PPFIBP2: variants seen among roughly 807,000 people sequenced by gnomAD.
PPFIBP2 encodes PPFIB scaffold protein 2.
Under a neutral mutation model 118.3 loss-of-function variants are expected in PPFIBP2, and 118 were observed. The ratio of observed to expected loss-of-function variants is 1.00; its 90% CI spans 0.86 to 1.16. The LOEUF (loss-of-function observed/expected upper bound fraction) is 1.16. Among genes scored for constraint, PPFIBP2 ranks in the 50% most tolerant of loss-of-function variants. The probability of loss-of-function intolerance (pLI) is 0.00; values close to 1 mark genes in which losing one functional copy is unlikely to be tolerated. For missense variants in PPFIBP2, 1,195 were observed against 1,073.1 expected, an observed-to-expected ratio of 1.11 and a Z score of -1.59; for synonymous variants, 414 against 397.4, an observed-to-expected ratio of 1.04 and a Z score of -0.50.
rs779846688 is a variant in PPFIBP2, at chr11:7,597,615, A to G, written c.428A>G (p.Glu143Gly). Reference protein sequence around the residue: ...EAQGEKIRDLEVCLEGHQVKL... With the variant: ...EAQGEKIRDLGVCLEGHQVKL... ...CAGGGAGAAAAGATTCGAGACCTGGAAGTGTGTCTGGAAGGACACCAGGTG... is the reference window on the plus strand; with the variant it reads ...CAGGGAGAAAAGATTCGAGACCTGGGAGTGTGTCTGGAAGGACACCAGGTG... Residue 143 changes from glutamate to glycine, a missense_variant, in exon 5 of 24, where the codon GAA (glutamate) becomes GGA (glycine). By Grantham distance (98) the Glu-to-Gly change is moderately conservative (BLOSUM62 -2). Coordinates refer to ENST00000299492, the MANE Select transcript of PPFIBP2 (RefSeq NM_003621.5). 21 of 1,613,978 alleles carry G rather than the reference A, an allele frequency of 1.3e-5. No individual in the cohort carries two copies. Among genetic ancestry groups the G allele is most frequent in the Non-Finnish European group, 1.7e-5 (20 of 1,180,024 alleles).
chr11:7,659,694 G>C (rs1416814496), downstream of PPFIBP2, among the ~76,000 whole-genome samples: 2 of 121,356 alleles, frequency 1.6e-5, no homozygotes, highest in African/African-American at 2.8e-5. Flanking sequence ...GAAAGGCATT[G>C]GTAGCTTGAT....
chr11:7,589,311 A>G (rs994642868), intron 3 of PPFIBP2, among the ~76,000 whole-genome samples: 1 of 152,144 alleles, frequency 6.6e-6, no homozygotes, highest in African/African-American at 2.4e-5. Flanking sequence ...ATTAGCATGT[A>G]GGCCAGGCAC....
At chr11:7,606,169 C>T (rs2135435149) in intron 5 of PPFIBP2, among the ~76,000 whole-genome samples, 2 of 152,200 alleles carry the variant, frequency 1.3e-5, no homozygotes, top group East Asian at 3.9e-4. Flanking sequence ...TTGGAAGCAG[C>T]CCTGGAATAG....
chr11:7,565,782 G>A lies in PPFIBP2; in HGVS notation c.279+15G>A. On this transcript the variant is annotated intron_variant, in intron 3 of 23. Coordinates refer to ENST00000299492, the MANE Select transcript of PPFIBP2 (RefSeq NM_003621.5). ...AAGAGAGCTTGGTGAGTAGTCCCGT[G>A]GCCTGATTGGGAACCACTGGGGAAT... 1 of 1,612,532 alleles carries A rather than the reference G, an allele frequency of 6.2e-7. No homozygotes were observed. The highest frequency in any genetic ancestry group is 8.5e-7 in the Non-Finnish European group (1 of 1,178,836).
At chr11:7,663,930 C>T in the PPFIBP2 span, among the ~76,000 whole-genome samples, 1 of 152,194 alleles carries the variant, frequency 6.6e-6, no homozygotes, top group Non-Finnish European at 1.5e-5. Flanking sequence ...TCCGTCACCC[C>T]TTTCTTTGAC....
chr11:7,597,307 T>C, intron 4 of PPFIBP2: 1 of 1,535,642 alleles, frequency 6.5e-7, no homozygotes, highest in Non-Finnish European at 8.7e-7. Context: ...TGTTTTACTC[T>C]TGAGTCTATC....
intron 3 of PPFIBP2, among the ~76,000 whole-genome samples, chr11:7,586,980 CTT>C (rs1858332608): frequency 6.6e-6 from 1 of 152,190 alleles, no homozygotes; most frequent in Non-Finnish European, 1.5e-5. Flanking sequence ...CTGATAATAT[CTT>C]TTAGACTTTA....
At chr11:7,649,702 CT>C in intron 21 of PPFIBP2, 48 bp downstream of exon 21, 1 of 1,609,010 alleles carries the variant, frequency 6.2e-7, no homozygotes, top group East Asian at 2.2e-5. Flanking sequence ...GCCAGGACCC[CT>C]GAAACATCGA....
chr11:7,537,170 C>T (rs1851303175), intron 1 of PPFIBP2, among the ~76,000 whole-genome samples: 1 of 152,186 alleles, frequency 6.6e-6, no homozygotes, highest in Non-Finnish European at 1.5e-5. Context: ...CTAGGGGTGA[C>T]AGGTGAGAGA....
downstream of PPFIBP2, among the ~76,000 whole-genome samples, chr11:7,661,722 T>A (rs60727827): frequency 2.4e-5 from 2 of 84,450 alleles, no homozygotes; most frequent in Non-Finnish European, 5.4e-5. Context: ...TTGTCTCGTT[T>A]ATCTGTCTAA....
rs777807206 is a variant in PPFIBP2, at chr11:7,639,713, TTCTC to T, written c.1237-16_1237-13del. On this transcript the variant is annotated splice_polypyrimidine_tract_variant and intron_variant, in intron 14 of 23. Transcript: ENST00000299492. ...GACAGTTAAGTCGGTATCTCTCTCT[TTCTC>T]TCACCTTCCAATAGGACAGCCCTTT... 25 of 1,613,788 alleles carry T rather than the reference TTCTC, an allele frequency of 1.5e-5. No homozygotes were observed. Among genetic ancestry groups the T allele is most frequent in the Admixed American group, 1.7e-5 (1 of 59,950 alleles).
chr11:7,562,927 TTTTATATATATATATATATATA>T (rs1314487968), intron 2 of PPFIBP2, among the ~76,000 whole-genome samples: 1 of 81,928 alleles, frequency 1.2e-5, no homozygotes, highest in Non-Finnish European at 2.4e-5. Flanking sequence ...GAAATTAAAG[TTTTATATATATATATATATATA>T]TATATATATA....
intron 3 of PPFIBP2, among the ~76,000 whole-genome samples, chr11:7,590,471 A>G (rs983106231): frequency 1.3e-5 from 2 of 152,168 alleles, no homozygotes; most frequent in African/African-American, 4.8e-5. Flanking sequence ...CATGCACACC[A>G]CTGCTGTATG....
At chr11:7,663,221 G>A in the PPFIBP2 span, among the ~76,000 whole-genome samples, 8 of 133,406 alleles carry the variant, frequency 6.0e-5, 1 homozygote, top group South Asian at 2.6e-4. Flanking sequence ...GAGGAGAGGC[G>A]CTCTGCTTTT....
chr11:7,626,001 C>T, intron 8 of PPFIBP2, 110 bp downstream of exon 8: 1 of 888,108 alleles, frequency 1.1e-6, no homozygotes, highest in East Asian at 2.7e-5. Flanking sequence ...GTGTGTGTAG[C>T]CATGCTAATG....
chr11:7,642,456 C>A, intron 17 of PPFIBP2, 30 bp downstream of exon 17: 1 of 1,589,184 alleles, frequency 6.3e-7, no homozygotes, highest in Non-Finnish European at 8.6e-7. Flanking sequence ...CCTTTGATCT[C>A]CCTGCTCTGA....
the PPFIBP2 span, among the ~76,000 whole-genome samples, chr11:7,662,935 C>T: frequency 0.07 from 9,543 of 136,106 alleles, 1,016 homozygotes; most frequent in African/African-American, 0.21. Context: ...TCCAGTTGAT[C>T]GCATCGGCTC....
intron 5 of PPFIBP2, among the ~76,000 whole-genome samples, chr11:7,599,504 A>G (rs1861005471): frequency 6.6e-6 from 1 of 152,130 alleles, no homozygotes; most frequent in South Asian, 2.1e-4. Flanking sequence ...CTCCATTGTC[A>G]AAGTCTCTGT....
downstream of PPFIBP2, among the ~76,000 whole-genome samples, chr11:7,655,757 A>T (rs1854626497): frequency 6.6e-6 from 1 of 151,756 alleles, no homozygotes. Context: ...GCTAAAGCAC[A>T]CTAGATCTCA....
Sources: gnomAD v4.1 joint callset for allele counts (sites outside exome capture counted in the v4.1 genomes callset) on GRCh38, gnomAD v4.1.1 for gene constraint, MANE v1.5 for transcripts, NCBI Gene and HGNC (gene_info 2026-07-23, HGNC 2026-07-21) for gene names.